The following METTL8 variants were observed in gnomAD, a reference collection of about 807,000 sequenced individuals.
METTL8 encodes the protein methyltransferase 8, tRNA N3-cytidine, also known as tRNA N(3)-cytidine methyltransferase METTL8, mitochondrial.
METTL8 carries 32 observed loss-of-function variants against 48.7 expected under a neutral mutation model. That is an observed-to-expected ratio of 0.66 (90% CI 0.50 to 0.88). METTL8 has a LOEUF of 0.88. Ranked by LOEUF, METTL8 falls within the 40% of genes least tolerant of loss-of-function variation. The pLI is 0.00. For missense variants in METTL8, 464 were observed against 474.4 expected, an observed-to-expected ratio of 0.98 and a Z score of 0.20; for synonymous variants, 136 against 157.1, an observed-to-expected ratio of 0.87 and a Z score of 1.01.
chr2:171,388,794 G>C (rs1688311109), intron 2 of METTL8, among the ~76,000 whole-genome samples: 2 of 152,130 alleles, frequency 1.3e-5, no homozygotes, highest in Admixed American at 6.5e-5. Context: ...GGTAATTCTT[G>C]CAATATTTCA....
At chr2:171,415,140 A>G (rs1451825188) in intron 1 of METTL8, among the ~76,000 whole-genome samples, 3 of 152,120 alleles carry the variant, frequency 2.0e-5, no homozygotes, top group Admixed American at 2.0e-4. Context: ...CTAACATGGT[A>G]TGAAAAGATG....
intron 3 of METTL8, 82 bp downstream of exon 3, chr2:171,360,340 G>A: frequency 8.7e-7 from 1 of 1,154,188 alleles, no homozygotes; most frequent in Non-Finnish European, 1.3e-6. Context: ...GAGAGGCTAA[G>A]AACTCTCAGA....
At chr2:171,419,520 A>G (rs1163342142) in intron 1 of METTL8, among the ~76,000 whole-genome samples, 1 of 152,152 alleles carries the variant, frequency 6.6e-6, no homozygotes, top group Non-Finnish European at 1.5e-5. Flanking sequence ...ACACCTGTAT[A>G]GTGGTTTCAG....
chr2:171,337,336 A>G, intron 5 of METTL8, 117 bp downstream of exon 5: 1 of 641,310 alleles, frequency 1.6e-6, no homozygotes, highest in South Asian at 2.6e-5. Flanking sequence ...TGCTTGAGCC[A>G]TTGTTCATAT....
At chr2:171,434,616 G>A (rs1296024509), upstream of METTL8, 2 of 1,530,766 alleles carry the variant, frequency 1.3e-6, no homozygotes, top group East Asian at 2.5e-5. Context: ...GCAGCCGGCT[G>A]AGTCGCCGGG....
chr2:171,371,851 T>C (rs1686389712), intron 2 of METTL8, among the ~76,000 whole-genome samples: 1 of 148,648 alleles, frequency 6.7e-6, no homozygotes, highest in African/African-American at 2.5e-5. Context: ...ATTATTATTA[T>C]TATTATTATT....
upstream of METTL8, chr2:171,434,184 A>T: frequency 2.6e-6 from 1 of 381,798 alleles, no homozygotes; most frequent in South Asian, 1.9e-5. Context: ...GGGCCGGGCA[A>T]GCCCTCGCTC....
At chr2:171,374,863 TAAG>T in intron 2 of METTL8, 1 of 773,552 alleles carries the variant, frequency 1.3e-6, no homozygotes, top group Admixed American at 1.9e-5. Flanking sequence ...TTTTTTTTTT[TAAG>T]TACAATTTCC....
intron 1 of METTL8, among the ~76,000 whole-genome samples, chr2:171,396,523 A>G (rs1441490408): frequency 3.3e-5 from 5 of 152,076 alleles, no homozygotes; most frequent in African/African-American, 1.2e-4. Context: ...ATTTTAGTCT[A>G]TTTGTGTGCT....
In METTL8 at chr2:171,362,595, A is replaced by AAATAAATAAATC. The variant is rs1553516248; in HGVS notation, c.144-2083_144-2082insGATTTATTTATT. ...TAAATAAATAAATAAATAAATAAAT[A>AAATAAATAAATC]AATAAATCAAAATTGGTATGCTGCA... is the stretch of plus-strand genomic sequence containing the variant. On this transcript the variant is annotated intron_variant, in intron 2 of 9. Coordinates refer to ENST00000375258, the MANE Select transcript of METTL8 (RefSeq NM_001321154.2). Among the ~76,000 whole-genome samples the AAATAAATAAATC allele has an allele frequency of 4.4e-3, 666 of 151,266 alleles. 4 individuals are homozygous for AAATAAATAAATC. Among genetic ancestry groups the AAATAAATAAATC allele is most frequent in the African/African-American group, 0.015 (632 of 41,132 alleles).
At chr2:171,326,517 C>T (rs1388711337) in intron 7 of METTL8, 2 of 170,184 alleles carry the variant, frequency 1.2e-5, no homozygotes, top group Non-Finnish European at 2.5e-5. Flanking sequence ...ATTTTCCTTG[C>T]AAGATAAAAA....
chr2:171,392,245 ATTGT>A, intron 1 of METTL8, 48 bp from the exon 2 acceptor site: 1 of 1,473,992 alleles, frequency 6.8e-7, no homozygotes, highest in Non-Finnish European at 9.2e-7. Flanking sequence ...TAAACAGTGT[ATTGT>A]TTATCTAATA....
At chr2:171,355,816 A>G (rs1684472940) in intron 3 of METTL8, among the ~76,000 whole-genome samples, 1 of 152,194 alleles carries the variant, frequency 6.6e-6, no homozygotes, top group African/African-American at 2.4e-5. Flanking sequence ...GACCGTTGGA[A>G]AAGCGCAGTA....
At chr2:171,368,313 T>G (rs978687420) in intron 2 of METTL8, among the ~76,000 whole-genome samples, 2 of 152,336 alleles carry the variant, frequency 1.3e-5, no homozygotes, top group Admixed American at 1.3e-4. Flanking sequence ...AACTAGCTGC[T>G]TTTTTCATGG....
intron 1 of METTL8, among the ~76,000 whole-genome samples, chr2:171,396,916 C>T (rs1029195578): frequency 5.3e-5 from 8 of 150,074 alleles, no homozygotes; most frequent in Admixed American, 2.0e-4. Context: ...TGCAATGGCA[C>T]GATCATAGCT....
chr2:171,363,979 A>AT (rs1351925009), intron 2 of METTL8, among the ~76,000 whole-genome samples: 1 of 150,916 alleles, frequency 6.6e-6, no homozygotes, highest in Non-Finnish European at 1.5e-5. Context: ...TACCCGGCTA[A>AT]TTTTTTTATT....
chr2:171,342,894 G>A (rs116320092), intron 3 of METTL8, among the ~76,000 whole-genome samples: 1,663 of 152,268 alleles, frequency 0.011, 29 homozygotes, highest in African/African-American at 0.037. Context: ...GTGCATAGCG[G>A]CCAGGCGAGG....
intron 2 of METTL8, among the ~76,000 whole-genome samples, chr2:171,385,742 G>C (rs751223799): frequency 6.6e-6 from 1 of 152,244 alleles, no homozygotes; most frequent in Non-Finnish European, 1.5e-5. Context: ...TTGGCTGCTA[G>C]AGTAAGTGAA....
intron 2 of METTL8, among the ~76,000 whole-genome samples, chr2:171,379,184 G>A (rs143303553): frequency 0.016 from 2,379 of 152,268 alleles, 38 homozygotes; most frequent in Middle Eastern, 0.027. Flanking sequence ...AATTAAGGCA[G>A]AAATCAAAAA....
Sources: gnomAD v4.1 joint callset for allele counts (sites outside exome capture counted in the v4.1 genomes callset) on GRCh38, gnomAD v4.1.1 for gene constraint, MANE v1.5 for transcripts, NCBI Gene and HGNC (gene_info 2026-07-23, HGNC 2026-07-21) for gene names.